Variants in CCSER1 observed in about 807,000 individuals in gnomAD.
CCSER1 encodes the protein coiled-coil serine rich protein 1, also known as serine-rich coiled-coil domain-containing protein 1.
In CCSER1, 41 loss-of-function variants were observed where a neutral mutation model predicts 82.0. The observed-to-expected ratio is 0.50, with a 90% CI of 0.39 to 0.65. The LOEUF (loss-of-function observed/expected upper bound fraction) is 0.65, where lower values mean the gene tolerates loss of function less well. Among genes scored for constraint, CCSER1 ranks in the 30% least tolerant of loss-of-function variants. The pLI is 0.00. For missense variants in CCSER1, 1,119 were observed against 1,064.2 expected, an observed-to-expected ratio of 1.05 and a Z score of -0.72; for synonymous variants, 414 against 383.9, an observed-to-expected ratio of 1.08 and a Z score of -0.92.
intron 8 of CCSER1, among the ~76,000 whole-genome samples, chr4:90,841,843 A>G (rs1354232450): frequency 3.9e-5 from 6 of 152,278 alleles, no homozygotes; most frequent in Middle Eastern, 3.4e-3. Context: ...ATTTCTAACA[A>G]TAAGCCAAAC....
intron 10 of CCSER1, among the ~76,000 whole-genome samples, chr4:91,163,953 T>A (rs1731740620): frequency 6.6e-6 from 1 of 152,190 alleles, no homozygotes; most frequent in South Asian, 2.1e-4. Flanking sequence ...TTGTTATGTG[T>A]GAATTTGATC....
At chr4:90,778,535 A>AAAC (rs1164016638) in intron 7 of CCSER1, among the ~76,000 whole-genome samples, 1 of 150,186 alleles carries the variant, frequency 6.7e-6, no homozygotes, top group African/African-American at 2.4e-5. Flanking sequence ...CTTAAAAAAA[A>AAAC]AAAAACACAA....
At chr4:91,143,166 T>A (rs1407886920) in intron 10 of CCSER1, among the ~76,000 whole-genome samples, 1 of 152,168 alleles carries the variant, frequency 6.6e-6, no homozygotes, top group Non-Finnish European at 1.5e-5. Flanking sequence ...TCAGCAGTTT[T>A]TTGTAGTTTT....
Position 91,179,433 on chromosome 4 carries a change from G to A in CCSER1, c.2217+93439G>A, listed in dbSNP as rs1733765093. 2.6e-5 allele frequency among the ~76,000 whole-genome samples: 4 copies of A among 152,168 alleles called. No individual in the cohort carries two copies. In the South Asian group the frequency reaches 6.2e-4, roughly 24 times the overall value. On this transcript the variant is annotated intron_variant, in intron 10 of 10. Coordinates refer to ENST00000509176, the MANE Select transcript of CCSER1 (RefSeq NM_001145065.2). ...GTTCCATTCTCCCCGCCACTTTCAG[G>A]TACACCAGTCAGACATAAGTTTGGT...
chr4:91,156,777 C>T (rs1183134107), intron 10 of CCSER1, among the ~76,000 whole-genome samples: 1 of 151,778 alleles, frequency 6.6e-6, no homozygotes, highest in East Asian at 1.9e-4. Context: ...CTTCTCTTGT[C>T]ACAACAGTTT....
chr4:91,176,174 A>G (rs1176363665), intron 10 of CCSER1, among the ~76,000 whole-genome samples: 2 of 138,338 alleles, frequency 1.4e-5, no homozygotes, highest in Non-Finnish European at 3.1e-5. Context: ...GTTCTGTTCC[A>G]TTGGTCTATA....
chr4:90,208,548 G>A (rs556253140), intron 1 of CCSER1, among the ~76,000 whole-genome samples: 13 of 151,786 alleles, frequency 8.6e-5, no homozygotes, highest in African/African-American at 2.9e-4. Context: ...CACCACTGGG[G>A]TATGAAAAAA....
intron 10 of CCSER1, among the ~76,000 whole-genome samples, chr4:91,480,324 T>C (rs1757841897): frequency 6.6e-6 from 1 of 152,226 alleles, no homozygotes; most frequent in Non-Finnish European, 1.5e-5. Context: ...CCACACTGAC[T>C]TCCAGCATGG....
intron 7 of CCSER1, among the ~76,000 whole-genome samples, chr4:90,797,071 T>C (rs1756138762): frequency 1.3e-5 from 2 of 152,134 alleles, no homozygotes; most frequent in African/African-American, 4.8e-5. Flanking sequence ...GATCTAATAT[T>C]GTCAGTGGGA....
intron 5 of CCSER1, among the ~76,000 whole-genome samples, chr4:90,483,325 C>T (rs1766405438): frequency 3.3e-5 from 5 of 152,268 alleles, no homozygotes; most frequent in Admixed American, 2.0e-4. Context: ...ACTCTTTATC[C>T]AATTTGCCAG....
At chr4:90,635,613 G>C (rs1725283130) in intron 6 of CCSER1, among the ~76,000 whole-genome samples, 1 of 151,796 alleles carries the variant, frequency 6.6e-6, no homozygotes, top group South Asian at 2.1e-4. Context: ...CAAATAAAGA[G>C]TGCGATAATT....
chr4:91,177,831 T>C (rs1419651720), intron 10 of CCSER1, among the ~76,000 whole-genome samples: 1 of 151,486 alleles, frequency 6.6e-6, no homozygotes, highest in Non-Finnish European at 1.5e-5. Context: ...TCTGCTCTGA[T>C]GTTATTTCTT....
chr4:90,870,376 A>G (rs1251342059), intron 8 of CCSER1, among the ~76,000 whole-genome samples: 2 of 151,742 alleles, frequency 1.3e-5, no homozygotes, highest in African/African-American at 2.4e-5. Flanking sequence ...TTATTTACCC[A>G]GTTTTTTTAG....
chr4:90,241,364 G>A (rs535511035), intron 1 of CCSER1, among the ~76,000 whole-genome samples: 23 of 152,128 alleles, frequency 1.5e-4, no homozygotes, highest in Non-Finnish European at 2.5e-4. Context: ...GGTGCATGCC[G>A]GTATCAAATA....
chr4:91,535,047 T>G (rs993897794), intron 10 of CCSER1, among the ~76,000 whole-genome samples: 8 of 151,952 alleles, frequency 5.3e-5, no homozygotes, highest in African/African-American at 9.7e-5. Context: ...TATTTTGTGT[T>G]ACATGTGTAA....
chr4:91,052,380 A>G (rs1006698584), intron 9 of CCSER1, among the ~76,000 whole-genome samples: 3 of 152,114 alleles, frequency 2.0e-5, no homozygotes, highest in Admixed American at 1.3e-4. Context: ...TTGTTTGATA[A>G]CCTATACTTA....
chr4:90,973,553 A>G (rs1312158578), intron 9 of CCSER1, among the ~76,000 whole-genome samples: 1 of 151,690 alleles, frequency 6.6e-6, no homozygotes, highest in East Asian at 1.9e-4. Flanking sequence ...ACCCTTGTAC[A>G]GTTGGTGGGA....
intron 3 of CCSER1, among the ~76,000 whole-genome samples, chr4:90,347,315 A>ATCTATCTATCTG (rs1395239645): frequency 3.5e-5 from 5 of 141,630 alleles, no homozygotes; most frequent in Admixed American, 7.1e-5. Flanking sequence ...CATAAGCTCT[A>ATCTATCTATCTG]TCTATCTATC....
chr4:91,059,572 C>T (rs1743783250), intron 9 of CCSER1, among the ~76,000 whole-genome samples: 1 of 151,142 alleles, frequency 6.6e-6, no homozygotes, highest in African/African-American at 2.4e-5. Context: ...AAAATCTAAG[C>T]AAGATAGACA....
Sources: allele counts gnomAD v4.1 joint callset (sites outside exome capture counted in the v4.1 genomes callset), GRCh38; gene constraint gnomAD v4.1.1; transcripts MANE v1.5; gene names NCBI Gene and HGNC (gene_info 2026-07-23, HGNC 2026-07-21).